SLC26A9: variants seen among roughly 807,000 people sequenced by gnomAD.
The protein encoded by SLC26A9 is solute carrier family 26 member 9.
In SLC26A9, 46 loss-of-function variants were observed where a neutral mutation model predicts 87.1. The ratio of observed to expected loss-of-function variants is 0.53; its 90% CI spans 0.42 to 0.67. SLC26A9 has a LOEUF of 0.67. SLC26A9 is among the 30% of genes least tolerant of loss of function. The pLI is 0.00. For missense variants in SLC26A9, 927 were observed against 1,018.3 expected (o/e 0.91, Z 1.22); for synonymous variants, 437 against 409.1 (o/e 1.07, Z -0.82).
chr1:205,924,497 AAG>A lies in SLC26A9; in HGVS notation c.1390-10_1390-9del, dbSNP rs779518524. The A allele has an allele frequency of 6.2e-7, 1 of 1,613,848 alleles. No homozygotes were observed. The highest frequency in any genetic ancestry group is 1.1e-5 in the South Asian group (1 of 91,026). On this transcript the variant is annotated splice_polypyrimidine_tract_variant and intron_variant, in intron 12 of 20. Transcript: ENST00000367135. ...GCTCACTACCCAGATGCACTGTGAA[AAG>A]AGAGATGTCAAAAGCAGACCTGGGG...
At chr1:205,941,531 C>A (rs951708789) in intron 1 of SLC26A9, among the ~76,000 whole-genome samples, 2 of 152,118 alleles carry the variant, frequency 1.3e-5, no homozygotes, top group South Asian at 4.1e-4. Context: ...CAGGGCAAAT[C>A]TCTCCCTACT....
intron 11 of SLC26A9, 81 bp downstream of exon 11, chr1:205,927,130 T>C: frequency 1.4e-6 from 2 of 1,423,604 alleles, no homozygotes; most frequent in Non-Finnish European, 2.0e-6. Context: ...CACTTTGTGG[T>C]CCGTAAAGTG....
At chr1:205,924,990 C>T (rs781491054) in intron 12 of SLC26A9, among the ~76,000 whole-genome samples, 1 of 152,122 alleles carries the variant, frequency 6.6e-6, no homozygotes, top group Non-Finnish European at 1.5e-5. Context: ...AGACGGCTCT[C>T]GCTAAGCTGC....
At chr1:205,940,734 T>C (rs988336265) in intron 1 of SLC26A9, among the ~76,000 whole-genome samples, 14 of 152,044 alleles carry the variant, frequency 9.2e-5, no homozygotes, top group African/African-American at 2.9e-4. Flanking sequence ...GAGGGGTCCA[T>C]TTGTGGGTTT....
intron 12 of SLC26A9, among the ~76,000 whole-genome samples, chr1:205,925,499 T>A (rs1659029854): frequency 6.6e-6 from 1 of 152,138 alleles, no homozygotes; most frequent in Non-Finnish European, 1.5e-5. Flanking sequence ...GGGGGCTTGT[T>A]GGGTTATGGT....
intron 16 of SLC26A9, among the ~76,000 whole-genome samples, chr1:205,922,279 G>A (rs889894983): frequency 5.9e-5 from 9 of 152,204 alleles, no homozygotes; most frequent in African/African-American, 2.2e-4. Context: ...TGGGATTACA[G>A]GTGCCCACCA....
At chr1:205,935,536 A>G in intron 2 of SLC26A9, 160 bp downstream of exon 2, 1 of 1,159,212 alleles carries the variant, frequency 8.6e-7, no homozygotes, top group Non-Finnish European at 1.2e-6. Flanking sequence ...CTCAGTACAG[A>G]TGAGGTTGTA....
chr1:205,938,440 G>A (rs1372980188), intron 1 of SLC26A9, among the ~76,000 whole-genome samples: 1 of 151,978 alleles, frequency 6.6e-6, no homozygotes, highest in Non-Finnish European at 1.5e-5. Context: ...TCCCTGCTCC[G>A]AAACCTCTAT....
chr1:205,927,794 G>T, intron 9 of SLC26A9, 108 bp downstream of exon 9: 1 of 1,536,170 alleles, frequency 6.5e-7, no homozygotes, highest in Admixed American at 1.9e-5. Context: ...CCCCACACTC[G>T]AGGCAGCCTG....
Position 205,915,229 on chromosome 1 carries a change from A to C in SLC26A9, c.*128T>G. 6.2e-7 allele frequency: 1 copy of C among 1,602,902 alleles called. No homozygotes were observed. The highest frequency in any genetic ancestry group is 1.1e-5 in the South Asian group (1 of 89,246). Reference sequence around the variant, plus strand: ...GGAAGGGAGGAGAGAGGGGGAGAGGAGAGAGGAACCCAAGCTCTGGGGGAT... The same window carrying C: ...GGAAGGGAGGAGAGAGGGGGAGAGGCGAGAGGAACCCAAGCTCTGGGGGAT... On this transcript the variant is annotated 3_prime_UTR_variant, in exon 21 of 21. Coordinates refer to ENST00000367135, the MANE Select transcript of SLC26A9 (RefSeq NM_052934.4).
At position 205,935,765 on chromosome 1, in the gene SLC26A9, A is replaced by T. The variant is rs1464483876; in HGVS notation, c.56T>A (p.Leu19His). ...CTTCTTCTCAAACTCATCGTCGAAG[A>T]GGGTAAGGGAGTATGCGGCTCTGTC... ...VVDRAAYSLT[L>H]FDDEFEKKDR... Residue 19 changes from leucine (L) to histidine (H), a missense_variant, in exon 2 of 21, where the codon CTC (leucine) becomes CAC (histidine). By Grantham distance (99) the Leu-to-His change is moderately conservative. Coordinates refer to ENST00000367135, the MANE Select transcript of SLC26A9 (RefSeq NM_052934.4). 2 of 1,614,026 alleles carry T rather than the reference A, an allele frequency of 1.2e-6. No individual in the cohort carries two copies. Among genetic ancestry groups the T allele is most frequent in the East Asian group, 2.2e-5 (1 of 44,878 alleles).
chr1:205,937,458 T>C (rs1027676195), intron 1 of SLC26A9, among the ~76,000 whole-genome samples: 1 of 152,108 alleles, frequency 6.6e-6, no homozygotes, highest in South Asian at 2.1e-4. Context: ...CAGCACAAGT[T>C]TGAGAGCCAG....
intron 1 of SLC26A9, among the ~76,000 whole-genome samples, chr1:205,937,767 T>TG (rs1326826444): frequency 6.6e-6 from 1 of 152,000 alleles, no homozygotes; most frequent in Admixed American, 6.5e-5. Flanking sequence ...GTGGTTTGCC[T>TG]GCGGGGGCTC....
chr1:205,926,952 G>A (rs976851595), intron 11 of SLC26A9, among the ~76,000 whole-genome samples: 3 of 152,180 alleles, frequency 2.0e-5, no homozygotes, highest in Non-Finnish European at 4.4e-5. Context: ...TAGACTCTGA[G>A]GCCAGAAGGC....
chr1:205,930,766 G>A (rs1659271770), intron 5 of SLC26A9, among the ~76,000 whole-genome samples: 1 of 152,152 alleles, frequency 6.6e-6, no homozygotes, highest in South Asian at 2.1e-4. Flanking sequence ...TTTAGGCACT[G>A]TTCCTTCTGC....
In SLC26A9 at chr1:205,915,092, C is replaced by G; in HGVS notation, c.*265G>C. 6.2e-7 allele frequency: 1 copy of G among 1,613,904 alleles called. No individual in the cohort carries two copies. The highest frequency in any genetic ancestry group is 8.5e-7 in the Non-Finnish European group (1 of 1,179,952). ...GGGGTGGAGTGAGCAGGAGGCTTGT[C>G]CATTGCGGCCAGGGCCTGACGGGTG... On this transcript the variant is annotated 3_prime_UTR_variant, in exon 21 of 21. Coordinates refer to ENST00000367135, the MANE Select transcript of SLC26A9 (RefSeq NM_052934.4).
chr1:205,928,726 A>T, intron 8 of SLC26A9, 101 bp downstream of exon 8: 1 of 1,115,516 alleles, frequency 9.0e-7, no homozygotes, highest in Non-Finnish European at 1.4e-6. Flanking sequence ...TACAGTTTCG[A>T]CTGCACTTTC....
Position 205,933,026 on chromosome 1 carries a change from G to C in SLC26A9, c.184C>G (p.Leu62Val). 2.5e-6 allele frequency: 4 copies of C among 1,614,170 alleles called. No homozygotes were observed. In the South Asian group the frequency reaches 4.4e-5, roughly 18 times the overall value. The change falls in exon 3 of 21, where the codon CTC becomes GTC. Residue 62 changes from leucine to valine, a missense_variant. By Grantham distance (32) the Leu-to-Val change is conservative. Transcript: ENST00000367135. The stretch of plus-strand genomic sequence containing the variant: ...TAGTCTTTAATCTTGTACTTGGGGA[G>C]CCAGGAGAGCACAGGCAGCAGCCCA... ...VFGLLPVLSW[L>V]PKYKIKDYII... is the part of the protein sequence containing the mutation.
chr1:205,924,726 C>T, intron 12 of SLC26A9: 2 of 484,062 alleles, frequency 4.1e-6, no homozygotes, highest in Non-Finnish European at 3.7e-6. Flanking sequence ...TAGTAGAAGC[C>T]CCAGCACACA....
Sources: gnomAD v4.1 joint callset for allele counts (sites outside exome capture counted in the v4.1 genomes callset) on GRCh38, gnomAD v4.1.1 for gene constraint, MANE v1.5 for transcripts, NCBI Gene and HGNC (gene_info 2026-07-23, HGNC 2026-07-21) for gene names.